Variants in RELN observed in about 807,000 individuals in gnomAD.
RELN encodes the protein reelin.
In RELN, 108 loss-of-function variants were observed where a neutral mutation model predicts 427.6. The observed-to-expected ratio is 0.25, with a 90% CI of 0.22 to 0.30. RELN has a LOEUF of 0.30. RELN is among the 10% of genes least tolerant of loss of function. The pLI, the probability that RELN is intolerant of heterozygous loss-of-function variation, is 1.00. For synonymous variants in RELN, 1,524 were observed against 1,513.4 expected (o/e 1.01, Z -0.16); for missense variants, 3,715 against 4,302.8 (o/e 0.86, Z 3.82).
intron 3 of RELN, among the ~76,000 whole-genome samples, chr7:103,808,809 T>C (rs1792664099): frequency 6.6e-6 from 1 of 152,126 alleles, no homozygotes; most frequent in Non-Finnish European, 1.5e-5. Context: ...CTATCCAGAA[T>C]GTTTAATGTT....
At chr7:103,605,038 CA>C (rs1238863159) in intron 22 of RELN, among the ~76,000 whole-genome samples, 2 of 152,136 alleles carry the variant, frequency 1.3e-5, no homozygotes, top group Non-Finnish European at 2.9e-5. Context: ...CCATGTTGGC[CA>C]GGCTGCTCTT....
At chr7:103,974,218 A>G (rs1796824449) in intron 1 of RELN, among the ~76,000 whole-genome samples, 1 of 152,232 alleles carries the variant, frequency 6.6e-6, no homozygotes, top group East Asian at 1.9e-4. Flanking sequence ...TTCATATGCA[A>G]TAACTCACTG....
At chr7:103,943,718 G>A (rs898109879) in intron 1 of RELN, among the ~76,000 whole-genome samples, 1 of 151,320 alleles carries the variant, frequency 6.6e-6, no homozygotes, top group African/African-American at 2.4e-5. Context: ...GGGTGTGGCG[G>A]GTGCCTGTAA....
At chr7:103,813,353 G>T (rs1042321674) in intron 3 of RELN, among the ~76,000 whole-genome samples, 3 of 151,862 alleles carry the variant, frequency 2.0e-5, no homozygotes, top group Admixed American at 1.3e-4. Context: ...ACACCCAGGA[G>T]TATCAAAGTG....
At chr7:103,923,420 T>A (rs753760955) in intron 1 of RELN, among the ~76,000 whole-genome samples, 1 of 151,882 alleles carries the variant, frequency 6.6e-6, no homozygotes, top group Non-Finnish European at 1.5e-5. Context: ...AAAAATTAAG[T>A]CAGGTATTTC....
intron 47 of RELN, among the ~76,000 whole-genome samples, 179 bp from the exon 48 acceptor site, chr7:103,522,378 T>G (rs1258126269): frequency 1.3e-5 from 2 of 152,190 alleles, no homozygotes; most frequent in East Asian, 3.8e-4. Context: ...ACAAATAATC[T>G]ATGAATTAAC....
At chr7:103,473,990 TG>T (rs1827944868) in intron 64 of RELN, among the ~76,000 whole-genome samples, 1 of 152,106 alleles carries the variant, frequency 6.6e-6, no homozygotes, top group Non-Finnish European at 1.5e-5. Flanking sequence ...GACATGAACT[TG>T]AGTTAGGGTA....
rs192567138 is a variant in RELN, at chr7:103,852,487, T to C, written c.338-18815A>G. 5.3e-4 allele frequency among the ~76,000 whole-genome samples: 81 copies of C among 152,284 alleles called. 1 individual carries two copies. Among genetic ancestry groups the C allele is most frequent in the Admixed American group, 3.7e-3 (57 of 15,292 alleles). On this transcript the variant is annotated intron_variant, in intron 2 of 64. Transcript: ENST00000428762. ...TGAAATATAGAAGACAACACTTCAC[T>C]GGGTTACATAATCAATGTATGTAAA...
chr7:103,889,565 G>T (rs1042099878), intron 2 of RELN, among the ~76,000 whole-genome samples: 10 of 152,048 alleles, frequency 6.6e-5, no homozygotes, highest in Non-Finnish European at 1.2e-4. Flanking sequence ...TGATACAAAC[G>T]GGCTTAGATG....
chr7:103,600,922 T>C (rs1831651759), intron 24 of RELN, among the ~76,000 whole-genome samples: 1 of 152,194 alleles, frequency 6.6e-6, no homozygotes, highest in African/African-American at 2.4e-5. Context: ...TCTTTACTCT[T>C]TACTTGCATC....
intron 28 of RELN, among the ~76,000 whole-genome samples, chr7:103,581,763 G>C (rs1831155482): frequency 6.6e-6 from 1 of 152,118 alleles, no homozygotes; most frequent in African/African-American, 2.4e-5. Context: ...AGGCTTTGCA[G>C]TTACTTTTCC....
intron 3 of RELN, among the ~76,000 whole-genome samples, chr7:103,782,398 ACAACTTCTTTAATCACTCTAGG>A (rs1423510859): frequency 6.6e-6 from 1 of 152,136 alleles, no homozygotes; most frequent in East Asian, 1.9e-4. Context: ...ATGACTTTGG[ACAACTTCTTTAATCACTCTAGG>A]CAACAGACTC....
chr7:103,971,021 G>A (rs1796753033), intron 1 of RELN, among the ~76,000 whole-genome samples: 2 of 151,872 alleles, frequency 1.3e-5, no homozygotes, highest in Non-Finnish European at 2.9e-5. Flanking sequence ...GTGTGGTCGC[G>A]GGCACCCATA....
intron 1 of RELN, among the ~76,000 whole-genome samples, chr7:103,975,571 G>A (rs1052167925): frequency 9.9e-5 from 11 of 110,564 alleles, no homozygotes; most frequent in South Asian, 2.9e-4. Context: ...ATTTTGAGAC[G>A]GAGTCTCGCT....
At position 103,672,044 on chromosome 7, in the gene RELN, A is replaced by T. The variant is rs570935667; in HGVS notation, c.1289+10072T>A. On this transcript the variant is annotated intron_variant, in intron 11 of 64. Transcript: ENST00000428762. ...ACAATTCATCTGGATAGGATGAATT[A>T]AAATTTTAGTTTAAGAGGGGATAAT... Among the ~76,000 whole-genome samples the T allele has an allele frequency of 2.0e-4, 31 of 152,292 alleles. 1 individual carries two copies. The highest frequency in any genetic ancestry group is 7.5e-4 in the African/African-American group (31 of 41,582).
At chr7:103,882,875 C>T (rs192985943) in intron 2 of RELN, among the ~76,000 whole-genome samples, 3 of 152,190 alleles carry the variant, frequency 2.0e-5, no homozygotes, top group Admixed American at 2.0e-4. Context: ...GGAGCTGGTA[C>T]CATTCCTTCT....
intron 28 of RELN, among the ~76,000 whole-genome samples, chr7:103,579,858 G>T (rs923022594): frequency 1.3e-5 from 2 of 152,072 alleles, no homozygotes; most frequent in African/African-American, 4.8e-5. Flanking sequence ...TGCTTGTCCC[G>T]TGCAGAGATG....
In RELN at chr7:103,604,379, C is replaced by T. The variant is rs1321324817; in HGVS notation, c.3113G>A (p.Ser1038Asn). The change falls in exon 23 of 65, where the codon AGT becomes AAT. Residue 1038 changes from serine (S) to asparagine (N), a missense_variant. Ser to Asn is a conservative substitution (Grantham distance 46, BLOSUM62 1). Transcript: ENST00000428762. ...YIGQQCPNMCSGHGSCDHGIC... is the reference protein window; with the variant it reads ...YIGQQCPNMCNGHGSCDHGIC... ...GCCATGATCGCATGAGCCATGCCCACTGCACATGTTGGGGCACTGCTGCCC... is the reference window on the plus strand; with the variant it reads ...GCCATGATCGCATGAGCCATGCCCATTGCACATGTTGGGGCACTGCTGCCC... The T allele has an allele frequency of 6.2e-7, 1 of 1,613,814 alleles. No individual in the cohort carries two copies. Among genetic ancestry groups the T allele is most frequent in the Non-Finnish European group, 8.5e-7 (1 of 1,179,866 alleles).
At chr7:103,871,458 C>T (rs894207904) in intron 2 of RELN, among the ~76,000 whole-genome samples, 3 of 152,012 alleles carry the variant, frequency 2.0e-5, no homozygotes, top group Non-Finnish European at 4.4e-5. Flanking sequence ...TCTTTAACTA[C>T]CAAGAATGTA....
Sources: allele counts gnomAD v4.1 joint callset (sites outside exome capture counted in the v4.1 genomes callset), GRCh38; gene constraint gnomAD v4.1.1; transcripts MANE v1.5; gene names NCBI Gene and HGNC (gene_info 2026-07-23, HGNC 2026-07-21).